The following GABBR2 variants were observed in gnomAD, a reference collection of about 807,000 sequenced individuals.
GABBR2 encodes gamma-aminobutyric acid type B receptor subunit 2.
A neutral mutation model predicts 105.6 loss-of-function variants in GABBR2; 23 were observed. That is an observed-to-expected ratio of 0.22 (90% confidence interval 0.16 to 0.31). The LOEUF (loss-of-function observed/expected upper bound fraction) is 0.31. Among genes scored for constraint, GABBR2 ranks in the 10% least tolerant of loss-of-function variants. GABBR2 has a pLI of 1.00. For synonymous variants in GABBR2, 478 were observed against 499.7 expected (o/e 0.96, Z 0.58); for missense variants, 734 against 1,245.5 (o/e 0.59, Z 6.18).
intron 6 of GABBR2, among the ~76,000 whole-genome samples, chr9:98,464,811 A>G (rs1479878259): frequency 6.6e-6 from 1 of 152,138 alleles, no homozygotes; most frequent in Non-Finnish European, 1.5e-5. Flanking sequence ...TTAATCTATA[A>G]CCTTACCCCC....
chr9:98,512,008 A>G (rs1037041557), intron 3 of GABBR2, among the ~76,000 whole-genome samples: 1 of 152,204 alleles, frequency 6.6e-6, no homozygotes, highest in Non-Finnish European at 1.5e-5. Flanking sequence ...GAAATCCTCA[A>G]TAAAATACTG....
chr9:98,370,863 C>T (rs533126868), intron 12 of GABBR2, among the ~76,000 whole-genome samples: 3 of 152,204 alleles, frequency 2.0e-5, no homozygotes, highest in African/African-American at 2.4e-5. Flanking sequence ...ATGCGGTCCA[C>T]GGTGTGAAGG....
At chr9:98,594,343 C>T (rs940592680) in intron 1 of GABBR2, among the ~76,000 whole-genome samples, 17 of 152,334 alleles carry the variant, frequency 1.1e-4, no homozygotes, top group Middle Eastern at 3.4e-3. Context: ...ACACTGCCTG[C>T]GCAGGGGGTG....
chr9:98,472,099 T>A (rs1443024574), intron 6 of GABBR2, among the ~76,000 whole-genome samples: 1 of 152,202 alleles, frequency 6.6e-6, no homozygotes, highest in Non-Finnish European at 1.5e-5. Flanking sequence ...TTCCTTATTA[T>A]AAAGCTTTTT....
chr9:98,438,489 A>G (rs1825973856), intron 7 of GABBR2, among the ~76,000 whole-genome samples: 1 of 152,224 alleles, frequency 6.6e-6, no homozygotes, highest in African/African-American at 2.4e-5. Flanking sequence ...AGTCCAGGCC[A>G]TGTGCTAGAA....
At chr9:98,527,988 T>C (rs184546666) in intron 3 of GABBR2, among the ~76,000 whole-genome samples, 13 of 152,322 alleles carry the variant, frequency 8.5e-5, no homozygotes, top group Admixed American at 8.5e-4. Flanking sequence ...CCACATGTGA[T>C]TATCAAGCGC....
intron 3 of GABBR2, among the ~76,000 whole-genome samples, chr9:98,525,701 CA>C (rs1827943370): frequency 6.6e-6 from 1 of 152,100 alleles, no homozygotes; most frequent in South Asian, 2.1e-4. Flanking sequence ...TACATCCCCA[CA>C]AAAACTTGTA....
intron 2 of GABBR2, among the ~76,000 whole-genome samples, chr9:98,574,230 C>T (rs1318613): frequency 0.23 from 34,635 of 152,232 alleles, 4,347 homozygotes; most frequent in East Asian, 0.48. Context: ...CCTCCCACTA[C>T]ACCTTGGTAC....
chr9:98,339,549 A>G (rs2131403867), intron 13 of GABBR2, among the ~76,000 whole-genome samples: 1 of 152,262 alleles, frequency 6.6e-6, no homozygotes, highest in Middle Eastern at 3.4e-3. Context: ...GGTGGTGTGG[A>G]CCCCAGTCAC....
chr9:98,494,713 T>G (rs903764482), intron 4 of GABBR2, among the ~76,000 whole-genome samples: 1 of 152,202 alleles, frequency 6.6e-6, no homozygotes, highest in Non-Finnish European at 1.5e-5. Flanking sequence ...TGAAGGGCTC[T>G]GCACAGGGCC....
intron 6 of GABBR2, among the ~76,000 whole-genome samples, chr9:98,466,428 C>G (rs1298863308): frequency 1.3e-5 from 2 of 152,180 alleles, no homozygotes; most frequent in African/African-American, 4.8e-5. Flanking sequence ...GGGTGCTCTC[C>G]TTCAATAAAA....
At chr9:98,419,107 G>A (rs562130721) in intron 7 of GABBR2, among the ~76,000 whole-genome samples, 22 of 152,352 alleles carry the variant, frequency 1.4e-4, no homozygotes, top group Admixed American at 5.9e-4. Context: ...CCGGGGGGGC[G>A]GTGGAGCAGG....
At chr9:98,426,540 G>A (rs1263415851) in intron 7 of GABBR2, among the ~76,000 whole-genome samples, 1 of 152,194 alleles carries the variant, frequency 6.6e-6, no homozygotes, top group Non-Finnish European at 1.5e-5. Context: ...GGCTGGGCTG[G>A]CAGACAGGTG....
At position 98,306,440 on chromosome 9, in the gene GABBR2, G is replaced by T; in HGVS notation, c.2005-95C>A. 3 of 682,272 alleles carry T rather than the reference G, an allele frequency of 4.4e-6. No individual in the cohort carries two copies. Among genetic ancestry groups the T allele is most frequent in the Admixed American group, 2.1e-5 (1 of 46,698 alleles). 42.3% of individuals were successfully genotyped at this position (682,272 alleles called of 1,614,324 possible). A position where few individuals can be genotyped will look rare whatever the true frequency, so the allele number is the denominator to read the frequency against. On this transcript the variant is annotated intron_variant, in intron 14 of 18. Transcript: ENST00000259455. This position sits in a 1 kb window ranked among gnomAD's most constrained non-coding sequence, Gnocchi z 5.4. ...AGCTGTGGAGTGGAGGGTTACTCAG[G>T]AGGTGGGCTGCAGGGAGGGAGGGTC...
intron 3 of GABBR2, among the ~76,000 whole-genome samples, chr9:98,498,635 T>G (rs1279528010): frequency 2.6e-5 from 4 of 152,226 alleles, no homozygotes; most frequent in African/African-American, 9.6e-5. Context: ...GGGTGTTTAT[T>G]TTATTCTGAA....
chr9:98,348,262 T>C (rs573823700), intron 13 of GABBR2, among the ~76,000 whole-genome samples: 12 of 152,372 alleles, frequency 7.9e-5, no homozygotes, highest in Middle Eastern at 3.4e-3. Flanking sequence ...TGGATTTATT[T>C]AGGGGCTTTC....
chr9:98,505,626 TC>T (rs371196858), intron 3 of GABBR2, among the ~76,000 whole-genome samples: 4 of 152,246 alleles, frequency 2.6e-5, no homozygotes, highest in African/African-American at 9.6e-5. Context: ...TGGGATGAGA[TC>T]ATCCTGGATA....
At chr9:98,558,685 G>A (rs1391991676) in intron 2 of GABBR2, among the ~76,000 whole-genome samples, 4 of 152,088 alleles carry the variant, frequency 2.6e-5, no homozygotes, top group Admixed American at 6.5e-5. Context: ...CAGCCAGGAC[G>A]CCCACAGCCA....
chr9:98,402,991 A>G (rs983884080), intron 8 of GABBR2, among the ~76,000 whole-genome samples: 8 of 152,078 alleles, frequency 5.3e-5, no homozygotes, highest in African/African-American at 9.7e-5. Flanking sequence ...AAGAGGATCA[A>G]TGTCTGTTTA....
Sources: gnomAD v4.1 joint callset for allele counts (sites outside exome capture counted in the v4.1 genomes callset) on GRCh38, gnomAD v4.1.1 for gene constraint, Gnocchi (gnomAD v3.1) non-coding constraint, MANE v1.5 for transcripts, NCBI Gene and HGNC (gene_info 2026-07-23, HGNC 2026-07-21) for gene names.